DCP1B: variants seen among roughly 807,000 people sequenced by gnomAD.
DCP1B encodes mRNA-decapping enzyme 1B.
Under a neutral mutation model 60.5 loss-of-function variants are expected in DCP1B, and 47 were observed. The ratio of observed to expected loss-of-function variants is 0.78; its 90% CI spans 0.61 to 0.99. The LOEUF is 0.99. Ranked by LOEUF, DCP1B falls within the 50% of genes least tolerant of loss-of-function variation. The pLI is 0.00. For synonymous variants in DCP1B, 267 were observed against 280.3 expected, an observed-to-expected ratio of 0.95 and a Z score of 0.47; for missense variants, 725 against 756.8, an observed-to-expected ratio of 0.96 and a Z score of 0.49.
intron 2 of DCP1B, among the ~76,000 whole-genome samples, chr12:1,996,763 G>C (rs1166236672): frequency 6.6e-6 from 1 of 151,012 alleles, no homozygotes; most frequent in African/African-American, 2.4e-5. Flanking sequence ...ACAAGCTTGC[G>C]ATAAAGCCTT....
chr12:1,990,905 G>A (rs1171898835), intron 3 of DCP1B, among the ~76,000 whole-genome samples: 7 of 151,692 alleles, frequency 4.6e-5, no homozygotes, highest in Non-Finnish European at 7.4e-5. Flanking sequence ...TTTGATGCCC[G>A]GGATTGAAAA....
At chr12:2,003,531 C>T (rs879754328) in intron 1 of DCP1B, among the ~76,000 whole-genome samples, 3 of 152,190 alleles carry the variant, frequency 2.0e-5, no homozygotes, top group Non-Finnish European at 4.4e-5. Flanking sequence ...ATCCCTGCAA[C>T]AGGATTCCAG....
chr12:2,002,469 A>C (rs2042395485), intron 1 of DCP1B, among the ~76,000 whole-genome samples: 1 of 152,242 alleles, frequency 6.6e-6, no homozygotes, highest in Admixed American at 6.5e-5. Flanking sequence ...ATATCCAGCA[A>C]GCAGGAAAAC....
intron 5 of DCP1B, among the ~76,000 whole-genome samples, chr12:1,964,993 A>G (rs75215228): frequency 0.011 from 1,727 of 152,184 alleles, 31 homozygotes; most frequent in African/African-American, 0.034. Context: ...TGTCTAGATC[A>G]GAGAGTAAGG....
chr12:1,993,241 C>G, intron 3 of DCP1B, 23 bp downstream of exon 3: 1 of 1,614,028 alleles, frequency 6.2e-7, no homozygotes, highest in Non-Finnish European at 8.5e-7. Flanking sequence ...GTAAAACAAC[C>G]CACTGTAGTA....
At position 1,948,049 on chromosome 12, in the gene DCP1B, C is replaced by G. The variant is rs930553754; in HGVS notation, c.1773+1037G>C. 6.6e-6 allele frequency among the ~76,000 whole-genome samples: 1 copy of G among 152,218 alleles called. No homozygotes were observed. The highest frequency in any genetic ancestry group is 2.4e-5 in the African/African-American group (1 of 41,464). On this transcript the variant is annotated intron_variant, in intron 8 of 8. Transcript: ENST00000280665. This position sits in a 1 kb window ranked among gnomAD's most constrained non-coding sequence, Gnocchi z 4.8. ...ATAAGACAACCGCAGAAGGGCTGGC[C>G]TGCTCTCTAAAGGCCGTCTGATGCT...
chr12:1,968,058 G>T (rs1298726538), intron 3 of DCP1B, 148 bp from the exon 4 acceptor site: 1 of 705,738 alleles, frequency 1.4e-6, no homozygotes, highest in Non-Finnish European at 2.3e-6. Context: ...AATCATTGGG[G>T]TTAAAGCTTA....
chr12:1,977,856 T>C (rs903278578), intron 3 of DCP1B, among the ~76,000 whole-genome samples: 2 of 152,250 alleles, frequency 1.3e-5, no homozygotes, highest in Non-Finnish European at 2.9e-5. Flanking sequence ...ACAGGTACAC[T>C]TTAACTTTGG....
At chr12:1,961,858 G>A (rs1023364629) in intron 5 of DCP1B, among the ~76,000 whole-genome samples, 5 of 152,164 alleles carry the variant, frequency 3.3e-5, no homozygotes, top group Admixed American at 6.5e-5. Context: ...CTCCAGAACC[G>A]TATATGAGTG....
intron 7 of DCP1B, among the ~76,000 whole-genome samples, chr12:1,951,891 C>G (rs969984873): frequency 3.3e-5 from 5 of 152,206 alleles, no homozygotes; most frequent in African/African-American, 1.2e-4. Flanking sequence ...TACTAAGTTC[C>G]TACAGTCAAA....
intron 7 of DCP1B, among the ~76,000 whole-genome samples, chr12:1,951,373 C>CT: frequency 6.6e-6 from 1 of 152,228 alleles, no homozygotes; most frequent in East Asian, 1.9e-4. Context: ...ACCCAATGTA[C>CT]TTTCAATGAA....
rs1233847448 is a variant in DCP1B, at chr12:1,970,251, T to C, written c.320-2341A>G. ...ATGTCAAAGCAAAATGAAGGAAAGATTGAGTTTGCAGTAATTATTTAAGAC... is the reference window on the plus strand; with the variant it reads ...ATGTCAAAGCAAAATGAAGGAAAGACTGAGTTTGCAGTAATTATTTAAGAC... On this transcript the variant is annotated intron_variant, in intron 3 of 8. Transcript: ENST00000280665. Among the ~76,000 whole-genome samples the C allele has an allele frequency of 2.6e-5, 4 of 152,126 alleles. No homozygotes were observed. The South Asian group carries it at 6.2e-4, about 24-fold the overall frequency.
At chr12:1,951,142 G>A (rs2030652641) in intron 7 of DCP1B, among the ~76,000 whole-genome samples, 1 of 152,130 alleles carries the variant, frequency 6.6e-6, no homozygotes, top group African/African-American at 2.4e-5. Context: ...AGGTGTGGTG[G>A]CAGGTGCCTG....
intron 5 of DCP1B, among the ~76,000 whole-genome samples, chr12:1,957,881 C>G (rs2030943546): frequency 6.6e-6 from 1 of 152,248 alleles, no homozygotes; most frequent in African/African-American, 2.4e-5. Context: ...ATACTGATAG[C>G]TCAACATTTT....
chr12:2,003,703 G>A (rs1313342548), intron 1 of DCP1B, among the ~76,000 whole-genome samples: 1 of 152,190 alleles, frequency 6.6e-6, no homozygotes, highest in Admixed American at 6.5e-5. Context: ...CTTCCCAAGA[G>A]CATCAGCTTC....
chr12:1,990,648 C>T (rs551150971), intron 3 of DCP1B, among the ~76,000 whole-genome samples: 1 of 151,922 alleles, frequency 6.6e-6, no homozygotes, highest in Non-Finnish European at 1.5e-5. Context: ...ATACATAAGC[C>T]AATGTGAAAT....
chr12:1,977,288 C>G (rs2034694451), intron 3 of DCP1B, among the ~76,000 whole-genome samples: 1 of 152,186 alleles, frequency 6.6e-6, no homozygotes, highest in Non-Finnish European at 1.5e-5. Flanking sequence ...GTGAATCACA[C>G]AGTTCAGCTG....
chr12:1,998,376 T>C (rs1447072526), intron 1 of DCP1B, among the ~76,000 whole-genome samples: 2 of 152,228 alleles, frequency 1.3e-5, no homozygotes, highest in African/African-American at 4.8e-5. Context: ...TGCATTTCAC[T>C]ATCCTTCATT....
chr12:1,979,515 T>C (rs1240004065), intron 3 of DCP1B, among the ~76,000 whole-genome samples: 1 of 152,180 alleles, frequency 6.6e-6, no homozygotes, highest in Non-Finnish European at 1.5e-5. Context: ...TTTCACCATG[T>C]TGGCCAGGCT....
Sources: allele counts gnomAD v4.1 joint callset (sites outside exome capture counted in the v4.1 genomes callset), GRCh38; gene constraint gnomAD v4.1.1; non-coding constraint Gnocchi (gnomAD v3.1); transcripts MANE v1.5; gene names NCBI Gene and HGNC (gene_info 2026-07-23, HGNC 2026-07-21).